The following KIFC3 variants were observed in gnomAD, a reference collection of about 807,000 sequenced individuals.
The protein encoded by KIFC3 is kinesin-like protein KIFC3.
In KIFC3, 60 loss-of-function variants were observed where a neutral mutation model predicts 101.8. The observed-to-expected ratio is 0.59, with a 90% CI of 0.48 to 0.73. KIFC3 has a LOEUF of 0.73. Among genes scored for constraint, KIFC3 ranks in the 30% least tolerant of loss-of-function variants. The probability of loss-of-function intolerance (pLI) is 0.00; values close to 1 mark genes in which losing one functional copy is unlikely to be tolerated. For synonymous variants in KIFC3, 476 were observed against 482.7 expected (o/e 0.99, Z 0.18); for missense variants, 966 against 1,137.1 (o/e 0.85, Z 2.16).
At chr16:57,759,612 G>A in intron 18 of KIFC3, 116 bp downstream of exon 18, 1 of 737,366 alleles carries the variant, frequency 1.4e-6, no homozygotes. Flanking sequence ...AGGTTCTGGA[G>A]AAGGTGTAAG....
At chr16:57,770,062 G>GCA (rs2050967027) in intron 7 of KIFC3, 107 bp from the exon 8 acceptor site, 5 of 1,344,200 alleles carry the variant, frequency 3.7e-6, no homozygotes, top group Non-Finnish European at 4.1e-6. Flanking sequence ...GAACACACAT[G>GCA]CACACACACA....
At chr16:57,835,101 C>T (rs529768724) in intron 1 of KIFC3, among the ~76,000 whole-genome samples, 2 of 152,162 alleles carry the variant, frequency 1.3e-5, no homozygotes, top group Non-Finnish European at 2.9e-5. Flanking sequence ...AGAACGGAGG[C>T]GGGTTCTCTC....
intron 1 of KIFC3, among the ~76,000 whole-genome samples, chr16:57,860,850 T>C (rs1959231648): frequency 6.6e-6 from 1 of 152,114 alleles, no homozygotes. Context: ...GCAGCTGAGC[T>C]AGAGGTACAT....
chr16:57,858,095 C>T (rs1243536865), intron 1 of KIFC3, among the ~76,000 whole-genome samples: 1 of 152,082 alleles, frequency 6.6e-6, no homozygotes, highest in Non-Finnish European at 1.5e-5. Flanking sequence ...GGATTACAGG[C>T]GTGAGCCACC....
chr16:57,860,136 G>A (rs1464208227), intron 1 of KIFC3, among the ~76,000 whole-genome samples: 1 of 151,454 alleles, frequency 6.6e-6, no homozygotes, highest in African/African-American at 2.4e-5. Flanking sequence ...TCCTCCCTAG[G>A]AAATTCTATA....
chr16:57,791,872 A>C (rs1400665387), intron 3 of KIFC3, among the ~76,000 whole-genome samples: 1 of 152,200 alleles, frequency 6.6e-6, no homozygotes, highest in African/African-American at 2.4e-5. Context: ...AGATTTGAAC[A>C]GATAAAAGAA....
intron 3 of KIFC3, chr16:57,790,910 A>T (rs1390608459): frequency 1.0e-6 from 1 of 985,178 alleles, no homozygotes. Flanking sequence ...CCACTTGAGA[A>T]GGGCGGGTGG....
intron 1 of KIFC3, among the ~76,000 whole-genome samples, chr16:57,833,615 C>A (rs1442306743): frequency 6.6e-6 from 1 of 152,122 alleles, no homozygotes; most frequent in Non-Finnish European, 1.5e-5. Flanking sequence ...TCGGGACTCC[C>A]ATGGTGTCAG....
At chr16:57,764,683 G>A (rs2050255343) in intron 11 of KIFC3, among the ~76,000 whole-genome samples, 1 of 152,242 alleles carries the variant, frequency 6.6e-6, no homozygotes, top group South Asian at 2.1e-4. Context: ...GGGAAGAGTG[G>A]ACACTGAGAA....
rs139069247 is a variant in KIFC3, at chr16:57,764,179, G to A, written c.1581C>T (p.Tyr527=). 5.0e-4 allele frequency: 804 copies of A among 1,604,078 alleles called. 1 individual carries two copies. In the African/African-American group the frequency reaches 8.1e-3, roughly 16 times the overall value. ...ACGTCTTGCCGGCGCCCGTCTGGCC[G>A]TACGCAAAGATGCAGACATTGAAGC... The part of the protein sequence containing the change: ...IDGFNVCIFA[Y]GQTGAGKTYT... The change falls in exon 12 of 20, where the codon TAC becomes TAT. Residue 527 remains tyrosine (Y), a synonymous_variant. Coordinates refer to ENST00000445690, the MANE Select transcript of KIFC3 (RefSeq NM_001130100.2).
intron 1 of KIFC3, chr16:57,862,665 G>A: frequency 1.9e-6 from 1 of 536,052 alleles, no homozygotes; most frequent in Admixed American, 3.1e-5. Context: ...TCCTGCTTCT[G>A]AAATTTCTCT....
intron 3 of KIFC3, among the ~76,000 whole-genome samples, chr16:57,780,919 C>T (rs938678122): frequency 6.6e-6 from 1 of 152,010 alleles, no homozygotes; most frequent in Non-Finnish European, 1.5e-5. Flanking sequence ...AGAAGATCTG[C>T]CCACCTCGGC....
chr16:57,841,036 G>A (rs144893511), intron 1 of KIFC3, among the ~76,000 whole-genome samples: 362 of 152,342 alleles, frequency 2.4e-3, no homozygotes, highest in Admixed American at 5.8e-3. Context: ...CTCTTCTTCA[G>A]CAAATATTTG....
chr16:57,823,695 C>T (rs1276318321), intron 1 of KIFC3, among the ~76,000 whole-genome samples: 3 of 151,820 alleles, frequency 2.0e-5, no homozygotes, highest in Non-Finnish European at 2.9e-5. Context: ...CAGGTTCCAG[C>T]GATTCTCCTG....
intron 3 of KIFC3, among the ~76,000 whole-genome samples, chr16:57,784,376 G>A (rs183733442): frequency 7.9e-5 from 12 of 152,314 alleles, no homozygotes; most frequent in African/African-American, 1.7e-4. Context: ...AGCCCCACCC[G>A]ACTCAGCAAG....
intron 1 of KIFC3, among the ~76,000 whole-genome samples, chr16:57,845,884 T>C (rs546058757): frequency 2.0e-4 from 30 of 152,272 alleles, no homozygotes; most frequent in African/African-American, 6.7e-4. Flanking sequence ...TTTTTCTACA[T>C]TGTTTGCCAG....
chr16:57,799,205 C>A (rs1200147905), intron 1 of KIFC3, among the ~76,000 whole-genome samples: 2 of 152,202 alleles, frequency 1.3e-5, no homozygotes, highest in African/African-American at 2.4e-5. Context: ...CTGCAGAAGT[C>A]TTTATTGAGC....
At chr16:57,846,802 G>C (rs1248962467) in intron 1 of KIFC3, among the ~76,000 whole-genome samples, 2 of 152,164 alleles carry the variant, frequency 1.3e-5, no homozygotes, top group African/African-American at 4.8e-5. Context: ...TCATGAGCTT[G>C]ACTGTGACCT....
chr16:57,813,566 C>T (rs2055144723), intron 1 of KIFC3: 2 of 495,348 alleles, frequency 4.0e-6, no homozygotes, highest in South Asian at 8.6e-5. Context: ...CAAATGGAGA[C>T]TCTAACCACC....
Sources: gnomAD v4.1 joint callset for allele counts (sites outside exome capture counted in the v4.1 genomes callset) on GRCh38, gnomAD v4.1.1 for gene constraint, MANE v1.5 for transcripts, NCBI Gene and HGNC (gene_info 2026-07-23, HGNC 2026-07-21) for gene names.